Variants in ELSPBP1 observed in about 807,000 individuals in gnomAD.
The protein encoded by ELSPBP1 is epididymal sperm binding protein 1.
In ELSPBP1, 38 loss-of-function variants were observed where a neutral mutation model predicts 33.3. The ratio of observed to expected loss-of-function variants is 1.14; its 90% CI spans 0.88 to 1.50. The LOEUF (loss-of-function observed/expected upper bound fraction) is 1.50, where lower values mean the gene tolerates loss of function less well. Ranked by LOEUF, ELSPBP1 falls within the 40% of genes most tolerant of loss-of-function variation. The probability of loss-of-function intolerance (pLI) is 0.00; values close to 1 mark genes in which losing one functional copy is unlikely to be tolerated. For synonymous variants in ELSPBP1, 85 were observed against 94.1 expected (o/e 0.90, Z 0.56); for missense variants, 267 against 263.5 (o/e 1.01, Z -0.09).
chr19:48,022,418 G>A (rs1397243527), intron 6 of ELSPBP1, 84 bp downstream of exon 6: 5 of 1,251,552 alleles, frequency 4.0e-6, no homozygotes, highest in Non-Finnish European at 4.4e-6. Flanking sequence ...ATGCGAAGGC[G>A]AGATCTGCTT....
intron 2 of ELSPBP1, 77 bp from the exon 3 acceptor site, chr19:48,014,094 A>G: frequency 3.3e-6 from 5 of 1,526,624 alleles, no homozygotes; most frequent in Non-Finnish European, 4.5e-6. Flanking sequence ...TATTAAAGCA[A>G]GAGCCAAACC....
At chr19:48,015,319 G>C (rs1280732632) in intron 3 of ELSPBP1, among the ~76,000 whole-genome samples, 1 of 152,088 alleles carries the variant, frequency 6.6e-6, no homozygotes, top group African/African-American at 2.4e-5. Context: ...GGTGGAAGGG[G>C]AGGCAGGAGA....
At chr19:48,023,663 A>G (rs575624824) in intron 6 of ELSPBP1, among the ~76,000 whole-genome samples, 2 of 152,136 alleles carry the variant, frequency 1.3e-5, no homozygotes, top group South Asian at 4.2e-4. Flanking sequence ...CCCAGAAGCC[A>G]AGACACCATG....
intron 5 of ELSPBP1, among the ~76,000 whole-genome samples, chr19:48,020,193 T>G (rs542525623): frequency 6.6e-6 from 1 of 152,256 alleles, no homozygotes; most frequent in East Asian, 1.9e-4. Context: ...GGCTCACGCC[T>G]ATAATCCCAG....
At chr19:48,007,868 T>C (rs1261042118) in intron 1 of ELSPBP1, among the ~76,000 whole-genome samples, 8 of 152,208 alleles carry the variant, frequency 5.3e-5, no homozygotes, top group Non-Finnish European at 8.8e-5. Context: ...TTAAAACATG[T>C]ATTACTTGAT....
intron 1 of ELSPBP1, among the ~76,000 whole-genome samples, chr19:47,995,265 T>A (rs1014529355): frequency 5.3e-5 from 8 of 152,118 alleles, no homozygotes; most frequent in African/African-American, 1.9e-4. Flanking sequence ...CCTTTCTCTG[T>A]TAATAAACTC....
At chr19:47,998,975 A>AT (rs1966940314) in intron 1 of ELSPBP1, among the ~76,000 whole-genome samples, 1 of 152,158 alleles carries the variant, frequency 6.6e-6, no homozygotes, top group Non-Finnish European at 1.5e-5. Flanking sequence ...GGGTCCAGCC[A>AT]TGTGGCCCTC....
At position 48,016,465 on chromosome 19, in the gene ELSPBP1, CTTCTTTCTTTCT is replaced by C. The variant is rs1196910160; in HGVS notation, c.355+480_355+491del. ...CTCCCTTTTCTCTTTCTTTTCTTTC[CTTCTTTCTTTCT>C]TTCTTTCTTTCTTTCTTTCTTTCTT... is the stretch of plus-strand genomic sequence containing the variant. On this transcript the variant is annotated intron_variant, in intron 4 of 6. Transcript: ENST00000339841. 4.9e-3 allele frequency among the ~76,000 whole-genome samples: 219 copies of C among 44,506 alleles called. 2 individuals are homozygous for C. Among genetic ancestry groups the C allele is most frequent in the East Asian group, 0.017 (7 of 420 alleles). The allele number at this position is 44,506 out of a possible 152,430, so 29.2% of individuals were successfully genotyped here. A position where few individuals can be genotyped will look rare whatever the true frequency, so the allele number is the denominator to read the frequency against.
At position 48,011,257 on chromosome 19, in the gene ELSPBP1, AATG is replaced by A. The variant is rs1252081177; in HGVS notation, c.70+2528_70+2530del. Among the ~76,000 whole-genome samples the A allele has an allele frequency of 5.9e-5, 9 of 151,918 alleles. No homozygotes were observed. The highest frequency in any genetic ancestry group is 3.2e-3 in the Middle Eastern group (1 of 316). ...GATGATGATGATGACAATGATTGAT[AATG>A]ATGATGACAATGACGATGATGATCA... On this transcript the variant is annotated intron_variant, in intron 2 of 6. Transcript: ENST00000339841. The surrounding 1 kb of genome is among the most constrained non-coding windows in gnomAD (Gnocchi z 4.5).
rs779504982 is a variant in ELSPBP1, at chr19:48,014,319, T to C, written c.208+11T>C. The C allele has an allele frequency of 6.2e-7, 1 of 1,612,714 alleles. No individual in the cohort carries two copies. The highest frequency in any genetic ancestry group is 1.3e-5 in the African/African-American group (1 of 75,018). On this transcript the variant is annotated intron_variant, in intron 3 of 6. Coordinates refer to ENST00000339841, the MANE Select transcript of ELSPBP1 (RefSeq NM_022142.5). ...ACTGCCAGAGTGAAGGTGAGTGGTA[T>C]CACATTGTCCCTGCCAGTGGCCTTT...
At position 48,014,308 on chromosome 19, in the gene ELSPBP1, G is replaced by T; in HGVS notation, c.208G>T (p.Asp70Tyr). 2 of 1,613,404 alleles carry T rather than the reference G, an allele frequency of 1.2e-6. No individual in the cohort carries two copies. Among genetic ancestry groups the T allele is most frequent in the Non-Finnish European group, 8.5e-7 (1 of 1,179,838 alleles). ...NGQWKYCQSE[D>Y]YPRCIFPFIY... ...CCAGTGGAAGTACTGCCAGAGTGAA[G>T]GTGAGTGGTATCACATTGTCCCTGC... The change falls in exon 3 of 7, where the codon GAT becomes TAT. Residue 70 changes from aspartate to tyrosine, a missense_variant and splice_region_variant. Physicochemically the swap from Asp to Tyr is radical, Grantham distance 160 (BLOSUM62 -3). Coordinates refer to ENST00000339841, the MANE Select transcript of ELSPBP1 (RefSeq NM_022142.5).
At chr19:48,024,726 C>T (rs1967252079) in intron 6 of ELSPBP1, among the ~76,000 whole-genome samples, 1 of 152,120 alleles carries the variant, frequency 6.6e-6, no homozygotes, top group Non-Finnish European at 1.5e-5. Context: ...TTTGCAGGTC[C>T]CCTTCCCCTT....
At chr19:48,010,665 G>A (rs922230765) in intron 2 of ELSPBP1, among the ~76,000 whole-genome samples, 4 of 152,176 alleles carry the variant, frequency 2.6e-5, no homozygotes, top group Admixed American at 6.5e-5. Context: ...CTAAAGCTGG[G>A]AAGAGAGGAA....
At chr19:48,016,713 C>CT (rs1197186116) in intron 4 of ELSPBP1, among the ~76,000 whole-genome samples, 1 of 151,858 alleles carries the variant, frequency 6.6e-6, no homozygotes, top group African/African-American at 2.4e-5. Flanking sequence ...ATTCTCCTGC[C>CT]TCAGCCTCCT....
At chr19:48,004,837 C>T (rs574077818) in intron 1 of ELSPBP1, among the ~76,000 whole-genome samples, 22 of 152,216 alleles carry the variant, frequency 1.4e-4, no homozygotes, top group Non-Finnish European at 2.4e-4. Flanking sequence ...ATCGTGTAGC[C>T]CTGGCCCCAC....
chr19:48,017,106 C>T (rs532447528), intron 4 of ELSPBP1, among the ~76,000 whole-genome samples: 1 of 152,216 alleles, frequency 6.6e-6, no homozygotes, highest in African/African-American at 2.4e-5. Flanking sequence ...ATAACTGAGC[C>T]CTTCCCAAGG....
chr19:48,013,458 T>C (rs2122317299), intron 2 of ELSPBP1, among the ~76,000 whole-genome samples: 1 of 152,342 alleles, frequency 6.6e-6, no homozygotes, highest in South Asian at 2.1e-4. Flanking sequence ...GGCTTACGCC[T>C]GTAATCCCAG....
chr19:48,014,104 C>A, intron 2 of ELSPBP1, 67 bp from the exon 3 acceptor site: 1 of 1,563,690 alleles, frequency 6.4e-7, no homozygotes, highest in South Asian at 1.2e-5. Context: ...AGAGCCAAAC[C>A]AAGACTCATC....
chr19:48,021,757 A>G (rs915063167), intron 5 of ELSPBP1, among the ~76,000 whole-genome samples: 2 of 151,700 alleles, frequency 1.3e-5, no homozygotes, highest in Non-Finnish European at 2.9e-5. Context: ...GCCACATTTT[A>G]TATTTTAGAG....
Sources: allele counts gnomAD v4.1 joint callset (sites outside exome capture counted in the v4.1 genomes callset), GRCh38; gene constraint gnomAD v4.1.1; non-coding constraint Gnocchi (gnomAD v3.1); transcripts MANE v1.5; gene names NCBI Gene and HGNC (gene_info 2026-07-23, HGNC 2026-07-21).